CUBN: variants seen among roughly 807,000 people sequenced by gnomAD.
CUBN encodes the protein 460 kDa receptor.
Under a neutral mutation model 405.3 loss-of-function variants are expected in CUBN, and 282 were observed. That is an observed-to-expected ratio of 0.70 (90% CI 0.63 to 0.77). The LOEUF (loss-of-function observed/expected upper bound fraction) is 0.77. Ranked by LOEUF, CUBN falls within the 30% of genes least tolerant of loss-of-function variation. The pLI, the probability that CUBN is intolerant of heterozygous loss-of-function variation, is 0.00. For missense variants in CUBN, 4,514 were observed against 4,475.2 expected (o/e 1.01, Z -0.25); for synonymous variants, 1,684 against 1,617.0 (o/e 1.04, Z -0.99).
At position 17,129,294 on chromosome 10, in the gene CUBN, C is replaced by A. The variant is rs750914329; in HGVS notation, c.123-44G>T. On this transcript the variant is annotated intron_variant, in intron 1 of 66. Coordinates refer to ENST00000377833, the MANE Select transcript of CUBN (RefSeq NM_001081.4). The stretch of plus-strand genomic sequence containing the variant: ...AGAATGCATCAGTAATTAGCAAGTA[C>A]AATTTTTAAACCAAAATAACAAAGT... The A allele has an allele frequency of 3.7e-6, 6 of 1,602,594 alleles. No individual in the cohort carries two copies. In the African/African-American group the frequency reaches 8.0e-5, roughly 21 times the overall value.
intron 50 of CUBN, among the ~76,000 whole-genome samples, chr10:16,904,843 A>G (rs1841512791): frequency 6.6e-6 from 1 of 152,228 alleles, no homozygotes; most frequent in Admixed American, 6.5e-5. Context: ...TGGTTTTGAA[A>G]CAGGCAGAGG....
intron 14 of CUBN, among the ~76,000 whole-genome samples, chr10:17,091,268 T>C (rs1197930359): frequency 6.6e-6 from 1 of 152,170 alleles, no homozygotes; most frequent in Non-Finnish European, 1.5e-5. Context: ...TTTAAATGCC[T>C]AGAATTGATT....
chr10:16,851,076 A>T (rs563035888), intron 60 of CUBN, among the ~76,000 whole-genome samples, 159 bp downstream of exon 60: 1 of 152,374 alleles, frequency 6.6e-6, no homozygotes, highest in East Asian at 1.9e-4. Context: ...TAGAGCATCT[A>T]TAATATTAAA....
At chr10:17,103,388 T>C (rs749536690) in intron 12 of CUBN, 151 bp from the exon 13 acceptor site, 2 of 668,206 alleles carry the variant, frequency 3.0e-6, no homozygotes, top group Non-Finnish European at 2.7e-6. Flanking sequence ...CTGTGCCCTT[T>C]TTCTGTCAAC....
intron 57 of CUBN, among the ~76,000 whole-genome samples, chr10:16,876,488 C>T (rs1310297193): frequency 6.6e-6 from 1 of 152,140 alleles, no homozygotes; most frequent in Non-Finnish European, 1.5e-5. Flanking sequence ...ACTGTAAAGA[C>T]ATTCTCTTAT....
Position 16,913,947 on chromosome 10 carries a change from G to C in CUBN, c.7397C>G (p.Pro2466Arg), listed in dbSNP as rs1184270888. The C allele has an allele frequency of 2.9e-5, 47 of 1,614,086 alleles. No homozygotes were observed. Among genetic ancestry groups the C allele is most frequent in the Non-Finnish European group, 4.0e-5 (47 of 1,180,022 alleles). The change falls in exon 48 of 67, where the codon CCC (proline) becomes CGC (arginine). Residue 2466 changes from proline to arginine, a missense_variant. Around this residue, in one of 5 missense-constraint regions of CUBN, gnomAD observed 1,613 missense variants for 1,542.8 expected, o/e 1.05. Transcript: ENST00000377833. ...LQGSIGTFTSPNYPNPNPHGR... is the reference protein window; with the variant it reads ...LQGSIGTFTSRNYPNPNPHGR... The stretch of plus-strand genomic sequence containing the variant: ...ATGAGGATTTGGGTTCGGGTAGTTG[G>C]GAGAAGTAAATGTTCCAATAGAGCC...
At chr10:16,828,229 G>A (rs1239040414) in intron 66 of CUBN, among the ~76,000 whole-genome samples, 1 of 152,030 alleles carries the variant, frequency 6.6e-6, no homozygotes, top group East Asian at 1.9e-4. Flanking sequence ...AGTGGGTTTC[G>A]GTGGGAACTG....
intron 3 of CUBN, 67 bp from the exon 4 acceptor site, chr10:17,126,866 C>G: frequency 6.5e-7 from 1 of 1,526,718 alleles, no homozygotes; most frequent in Non-Finnish European, 9.1e-7. Context: ...ATGTTATATC[C>G]TTGACATATT....
At chr10:16,864,657 C>CTTTTTTTTTTTTTT (rs58100254) in intron 59 of CUBN, among the ~76,000 whole-genome samples, 1 of 121,448 alleles carries the variant, frequency 8.2e-6, no homozygotes, top group Admixed American at 1.1e-4. Flanking sequence ...TTTTTTCTTT[C>CTTTTTTTTTTTTTT]TTTTTTTTTT....
intron 30 of CUBN, among the ~76,000 whole-genome samples, chr10:16,983,746 A>G (rs533423102): frequency 6.6e-6 from 1 of 152,332 alleles, no homozygotes; most frequent in African/African-American, 2.4e-5. Context: ...GGATTCACAA[A>G]TTTAATGTTT....
chr10:16,830,292 C>T (rs1838944013), intron 65 of CUBN, among the ~76,000 whole-genome samples: 1 of 152,120 alleles, frequency 6.6e-6, no homozygotes, highest in African/African-American at 2.4e-5. Context: ...TTTAAGCTTC[C>T]TTTGGGTGCC....
intron 64 of CUBN, among the ~76,000 whole-genome samples, chr10:16,833,065 G>T (rs1257706265): frequency 6.6e-6 from 1 of 152,182 alleles, no homozygotes; most frequent in Non-Finnish European, 1.5e-5. Flanking sequence ...CGGCTGGAAA[G>T]CAAGGCTTTG....
chr10:16,986,909 C>G (rs934293192), intron 29 of CUBN, among the ~76,000 whole-genome samples: 6 of 152,200 alleles, frequency 3.9e-5, no homozygotes, highest in Admixed American at 3.9e-4. Flanking sequence ...TCTTTGTTTT[C>G]TCTGCTCAAA....
At position 17,045,939 on chromosome 10, in the gene CUBN, G is replaced by A; in HGVS notation, c.3485C>T (p.Ser1162Leu). ...GACAGCTCTTTGCTATTTACCTGTTGATGACCCATCCCAGTAAGCTGAGAA... is the reference window on the plus strand; with the variant it reads ...GACAGCTCTTTGCTATTTACCTGTTAATGACCCATCCCAGTAAGCTGAGAA... ...SGFSAYWDGSSTGCGGNLTTS... is the reference protein window; with the variant it reads ...SGFSAYWDGSLTGCGGNLTTS... Residue 1162 changes from serine (S) to leucine (L), a missense_variant, in exon 24 of 67, where the codon TCA becomes TTA. By Grantham distance (145) the Ser-to-Leu change is moderately radical. This residue lies in a region of CUBN where 242 missense variants were observed against 309.0 expected (regional missense o/e 0.78). Transcript: ENST00000377833. The A allele has an allele frequency of 2.5e-6, 4 of 1,613,826 alleles. No individual in the cohort carries two copies. The East Asian group carries it at 6.7e-5, about 27-fold the overall frequency.
At chr10:16,832,625 A>G (rs1839042248) in intron 64 of CUBN, among the ~76,000 whole-genome samples, 1 of 152,066 alleles carries the variant, frequency 6.6e-6, no homozygotes, top group Non-Finnish European at 1.5e-5. Flanking sequence ...CTCTGAGAGG[A>G]GCAGCAGGAT....
Position 16,836,232 on chromosome 10 carries a change from C to T in CUBN, c.10180+3G>A. The T allele has an allele frequency of 6.2e-7, 1 of 1,613,426 alleles. No individual in the cohort carries two copies. The highest frequency in any genetic ancestry group is 8.5e-7 in the Non-Finnish European group (1 of 1,179,380). On this transcript the variant is annotated splice_donor_region_variant and intron_variant, in intron 63 of 66. Transcript: ENST00000377833. ...GAATAAAAGATGAAGTTCCTGGCCT[C>T]ACCTGCAATCTGATAGGTGAAACTC...
intron 13 of CUBN, among the ~76,000 whole-genome samples, chr10:17,102,861 A>G (rs960276366): frequency 6.6e-6 from 1 of 151,748 alleles, no homozygotes; most frequent in African/African-American, 2.4e-5. Flanking sequence ...CAGGTGATGC[A>G]CCCACCTCAT....
At chr10:16,844,347 A>ATGGAAG (rs1445487430) in intron 60 of CUBN, among the ~76,000 whole-genome samples, 9 of 151,784 alleles carry the variant, frequency 5.9e-5, no homozygotes, top group Non-Finnish European at 1.0e-4. Context: ...ATGCCAGGCC[A>ATGGAAG]TGGAAGTGTG....
At chr10:16,895,985 T>A (rs911882946) in intron 54 of CUBN, among the ~76,000 whole-genome samples, 13 of 152,192 alleles carry the variant, frequency 8.5e-5, no homozygotes, top group Non-Finnish European at 1.8e-4. Context: ...CCATTTTGAT[T>A]GATATTAGCG....
Sources: allele counts gnomAD v4.1 joint callset (sites outside exome capture counted in the v4.1 genomes callset), GRCh38; gene constraint gnomAD v4.1.1; regional missense constraint gnomAD v4.1.1; transcripts MANE v1.5; gene names NCBI Gene and HGNC (gene_info 2026-07-23, HGNC 2026-07-21).